ZNF816: variants seen among roughly 807,000 people sequenced by gnomAD.
The protein encoded by ZNF816 is zinc finger protein 816.
A neutral mutation model predicts 8.3 loss-of-function variants in ZNF816; 11 were observed. The observed-to-expected ratio is 1.32, with a 90% CI of 0.83 to 2.19. The LOEUF (loss-of-function observed/expected upper bound fraction) is 2.19, where lower values mean the gene tolerates loss of function less well. Among genes scored for constraint, ZNF816 ranks in the 30% most tolerant of loss-of-function variants. The pLI, the probability that ZNF816 is intolerant of heterozygous loss-of-function variation, is 0.00. For missense variants in ZNF816, 710 were observed against 779.3 expected (o/e 0.91, Z 1.06); for synonymous variants, 255 against 254.5 (o/e 1.00, Z -0.02).
intron 1 of ZNF816, chr19:52,960,128 A>C (rs949730258): frequency 5.7e-6 from 1 of 176,018 alleles, no homozygotes; most frequent in African/African-American, 2.4e-5. Flanking sequence ...GTACTTCTAC[A>C]GCTCACAATT....
rs1379680484 is a variant in ZNF816 at position 52,957,251 on chromosome 19, A to C, written c.-15-1147T>G. 1.3e-5 allele frequency among the ~76,000 whole-genome samples: 2 copies of C among 152,158 alleles called. No homozygotes were observed. The highest frequency in any genetic ancestry group is 3.9e-4 in the East Asian group (2 of 5,192). On this transcript the variant is annotated intron_variant, in intron 1 of 3. Transcript: ENST00000444460. This position sits in a 1 kb window ranked among gnomAD's most constrained non-coding sequence, Gnocchi z 4.6. ...AAGCGAGGTAATTAACAGAAGGTCG[A>C]GGCAACCCCTTAGGTGACTTAGGCC...
rs2083434656 is a variant in ZNF816, at chr19:52,949,482, C to T, written c.*337G>A. 3 of 487,378 alleles carry T rather than the reference C, an allele frequency of 6.2e-6. No individual in the cohort carries two copies. The highest frequency in any genetic ancestry group is 1.2e-5 in the Non-Finnish European group (3 of 252,702). 30.2% of individuals were successfully genotyped at this position (487,378 alleles called of 1,614,324 possible). A position where few individuals can be genotyped will look rare whatever the true frequency, so the allele number is the denominator to read the frequency against. On this transcript the variant is annotated 3_prime_UTR_variant, in exon 4 of 4. Coordinates refer to ENST00000444460, the MANE Select transcript of ZNF816 (RefSeq NM_001202457.3). Reference sequence around the variant, plus strand: ...AATGACCACAGAGTGAAGACCTTGCCACCCTTACATTTGTAAGGCATCTGT... The same window carrying T: ...AATGACCACAGAGTGAAGACCTTGCTACCCTTACATTTGTAAGGCATCTGT...
Position 52,957,750 on chromosome 19 carries a change from A to G in ZNF816, c.-15-1646T>C, listed in dbSNP as rs192566620. 1.1e-3 allele frequency among the ~76,000 whole-genome samples: 171 copies of G among 152,318 alleles called. 1 individual carries two copies. The highest frequency in any genetic ancestry group is 0.01 in the Middle Eastern group (3 of 294). ...CCAGACTTGTACTGTAGGAAGACAT[A>G]AAGTGATTCACCAGTTCTTGTACAT... On this transcript the variant is annotated intron_variant, in intron 1 of 3. Coordinates refer to ENST00000444460, the MANE Select transcript of ZNF816 (RefSeq NM_001202457.3). This position sits in a 1 kb window ranked among gnomAD's most constrained non-coding sequence, Gnocchi z 4.6.
intron 1 of ZNF816, chr19:52,956,392 C>T: frequency 7.5e-6 from 2 of 268,040 alleles, no homozygotes; most frequent in Non-Finnish European, 1.4e-5. Context: ...ATGCAGAGCA[C>T]AGCCCCCTCA....
intron 3 of ZNF816, chr19:52,951,928 C>A: frequency 2.4e-6 from 1 of 414,224 alleles, no homozygotes; most frequent in South Asian, 1.0e-4. Flanking sequence ...TCAAGAGCCT[C>A]ATATATATGA....
Position 52,950,823 on chromosome 19 carries a change from A to G in ZNF816, c.952T>C (p.Cys318Arg). Residue 318 changes from cysteine to arginine, a missense_variant, in exon 4 of 4, where the codon TGT becomes CGT. By Grantham distance (180) the Cys-to-Arg change is radical (BLOSUM62 -3). Coordinates refer to ENST00000444460, the MANE Select transcript of ZNF816 (RefSeq NM_001202457.3). The stretch of plus-strand genomic sequence containing the variant: ...GACTTCTCACTGAAGGTCTTGCCAC[A>G]CTCATTACACTTGTAAGGTTTCTCT... ...TGEKPYKCNECGKTFSEKSSL... is the reference protein window; with the variant it reads ...TGEKPYKCNERGKTFSEKSSL... 2 of 1,614,054 alleles carry G rather than the reference A, an allele frequency of 1.2e-6. No individual in the cohort carries two copies. Among genetic ancestry groups the G allele is most frequent in the South Asian group, 1.1e-5 (1 of 91,088 alleles).
intron 3 of ZNF816, chr19:52,952,382 CA>C: frequency 2.6e-6 from 1 of 383,830 alleles, no homozygotes; most frequent in Non-Finnish European, 4.6e-6. Context: ...AACAAACAAA[CA>C]AAAAGAAAAC....
rs1363382536 is a variant in ZNF816, at chr19:52,957,836, A to G, written c.-15-1732T>C. ...CGAGCTGAGAGCCACCGTCTCTTCT[A>G]CAGAGCACAGCTCTTTACAGCTAAG... On this transcript the variant is annotated intron_variant, in intron 1 of 3. Transcript: ENST00000444460. This position sits in a 1 kb window ranked among gnomAD's most constrained non-coding sequence, Gnocchi z 4.6. Among the ~76,000 whole-genome samples, 1 of 152,186 alleles carries G rather than the reference A, an allele frequency of 6.6e-6. No individual in the cohort carries two copies. The highest frequency in any genetic ancestry group is 2.4e-5 in the African/African-American group (1 of 41,444).
rs529254404 is a variant in ZNF816, at chr19:52,951,370, C to T, written c.405G>A (p.Leu135=). ...GATCACTTCGGTCTGTACTACCAGT[C>T]AACTTTTTGATTTTTGTCATGGGTG... ...HEAPMTKIKK[L]TGSTDRSDHR... is the part of the protein sequence containing the mutation. The change falls in exon 4 of 4, where the codon TTG becomes TTA. Residue 135 remains leucine, a synonymous_variant. Transcript: ENST00000444460. 2 of 1,614,136 alleles carry T rather than the reference C, an allele frequency of 1.2e-6. No homozygotes were observed. The highest frequency in any genetic ancestry group is 2.7e-5 in the African/African-American group (2 of 75,050).
At position 52,950,951 on chromosome 19, in the gene ZNF816, T is replaced by C. The variant is rs1458153901; in HGVS notation, c.824A>G (p.His275Arg). The stretch of plus-strand genomic sequence containing the variant: ...TTTCTCACCAGTGTGACATCTATGA[T>C]GATATACAATGTATTGCTTCTGATT... ...IFNQKQYIVYHHRCHTGEKTY... is the reference protein window; with the variant it reads ...IFNQKQYIVYRHRCHTGEKTY... The change falls in exon 4 of 4, where the codon CAT becomes CGT. Residue 275 changes from histidine (H) to arginine (R), a missense_variant. His to Arg is a conservative substitution (Grantham distance 29). Transcript: ENST00000444460. 6.2e-7 allele frequency: 1 copy of C among 1,614,204 alleles called. No homozygotes were observed.
At chr19:52,953,013 GA>G (rs2083473057) in intron 2 of ZNF816, 136 bp from the exon 3 acceptor site, 1 of 1,419,098 alleles carries the variant, frequency 7.0e-7, no homozygotes, top group Non-Finnish European at 9.2e-7. Context: ...AGGTATTTTT[GA>G]ACAATTTTTC....
At position 52,962,876 on chromosome 19, in the gene ZNF816, G is replaced by A. The variant is rs2083570124; in HGVS notation, c.-165C>T. 1 of 152,716 alleles carries A rather than the reference G, an allele frequency of 6.5e-6. No homozygotes were observed. Among genetic ancestry groups the A allele is most frequent in the East Asian group, 1.9e-4 (1 of 5,198 alleles). 9.5% of individuals were successfully genotyped at this position (152,716 alleles called of 1,614,324 possible). A position where few individuals can be genotyped will look rare whatever the true frequency, so the allele number is the denominator to read the frequency against. ...TTCAGTCCACGCCATCCGCTTCCGGGTCTGTGCCAATCGGCGCAGGACAGA... is the reference window on the plus strand; with the variant it reads ...TTCAGTCCACGCCATCCGCTTCCGGATCTGTGCCAATCGGCGCAGGACAGA... On this transcript the variant is annotated 5_prime_UTR_variant, in exon 1 of 4. Coordinates refer to ENST00000444460, the MANE Select transcript of ZNF816 (RefSeq NM_001202457.3).
At chr19:52,956,229 G>C in intron 1 of ZNF816, 125 bp from the exon 2 acceptor site, 1 of 1,080,808 alleles carries the variant, frequency 9.3e-7, no homozygotes, top group Non-Finnish European at 1.3e-6. Context: ...CACTGCACCA[G>C]AGACCATGCA....
rs939365414 is a variant in ZNF816, at chr19:52,950,015, T to C, written c.1760A>G (p.His587Arg). 6.2e-7 allele frequency: 1 copy of C among 1,614,058 alleles called. No individual in the cohort carries two copies. Among genetic ancestry groups the C allele is most frequent in the Non-Finnish European group, 8.5e-7 (1 of 1,179,946 alleles). Reference protein sequence around the residue: ...KGILAQHQRVHTGEKPYKCNE... With the variant: ...KGILAQHQRVRTGEKPYKCNE... ...ACACTTGTAAGGTTTCTCTCCAGTA[T>C]GAACTCTCTGATGTTGTGCAAGGAT... The change falls in exon 4 of 4, where the codon CAT becomes CGT. Residue 587 changes from histidine (H) to arginine (R), a missense_variant. Physicochemically the swap from His to Arg is conservative, Grantham distance 29 (BLOSUM62 0). Transcript: ENST00000444460.
At position 52,950,662 on chromosome 19, in the gene ZNF816, A is replaced by G. The variant is rs1408175818; in HGVS notation, c.1113T>C (p.Cys371=). ...GACTGAAGGTCTTGCCACACTCATTACACTTGTAAGGTTTCTCTCCAGTAT... is the reference window on the plus strand; with the variant it reads ...GACTGAAGGTCTTGCCACACTCATTGCACTTGTAAGGTTTCTCTCCAGTAT... The part of the protein sequence containing the change: ...AIHTGEKPYK[C]NECGKTFSQK... Residue 371 remains cysteine (C), a synonymous_variant, in exon 4 of 4, where the codon TGT becomes TGC. Coordinates refer to ENST00000444460, the MANE Select transcript of ZNF816 (RefSeq NM_001202457.3). The G allele has an allele frequency of 6.2e-7, 1 of 1,614,080 alleles. No homozygotes were observed. The highest frequency in any genetic ancestry group is 1.3e-5 in the African/African-American group (1 of 74,946).
chr19:52,950,878 G>C lies in ZNF816; in HGVS notation c.897C>G (p.Ser299=). 1.2e-6 allele frequency: 2 copies of C among 1,614,106 alleles called. No individual in the cohort carries two copies. The highest frequency in any genetic ancestry group is 1.7e-6 in the Non-Finnish European group (2 of 1,180,024). The change falls in exon 4 of 4, where the codon TCC becomes TCG. Residue 299 remains serine (S), a synonymous_variant. Transcript: ENST00000444460. Reference sequence around the variant, plus strand: ...TATGAAGTCTACGATGGCATACAAGGGATGACATCTGAGTGAAGGTCTTCC... The same window carrying C: ...TATGAAGTCTACGATGGCATACAAGCGATGACATCTGAGTGAAGGTCTTCC... ...ECGKTFTQMS[S]LVCHRRLHTG...
chr19:52,950,019 C>T lies in ZNF816; in HGVS notation c.1756G>A (p.Val586Ile). 1 of 1,612,280 alleles carries T rather than the reference C, an allele frequency of 6.2e-7. No homozygotes were observed. Among genetic ancestry groups the T allele is most frequent in the Non-Finnish European group, 8.5e-7 (1 of 1,179,468 alleles). Reference sequence around the variant, plus strand: ...TTGTAAGGTTTCTCTCCAGTATGAACTCTCTGATGTTGTGCAAGGATTCCT... The same window carrying T: ...TTGTAAGGTTTCTCTCCAGTATGAATTCTCTGATGTTGTGCAAGGATTCCT... Reference protein sequence around the residue: ...QKGILAQHQRVHTGEKPYKCN... With the variant: ...QKGILAQHQRIHTGEKPYKCN... The change falls in exon 4 of 4, where the codon GTT (valine) becomes ATT (isoleucine). Residue 586 changes from valine (V) to isoleucine (I), a missense_variant. Val to Ile is a conservative substitution (Grantham distance 29). Transcript: ENST00000444460.
rs2083434703 is a variant in ZNF816 at position 52,949,491 on chromosome 19, A to G, written c.*328T>C. On this transcript the variant is annotated 3_prime_UTR_variant, in exon 4 of 4. Coordinates refer to ENST00000444460, the MANE Select transcript of ZNF816 (RefSeq NM_001202457.3). ...AGAGTGAAGACCTTGCCACCCTTAC[A>G]TTTGTAAGGCATCTGTCCAGTATGA... The G allele has an allele frequency of 5.8e-6, 3 of 514,224 alleles. No individual in the cohort carries two copies. The allele number at this position is 514,224 out of a possible 1,614,324, so 31.9% of individuals were successfully genotyped here. A position where few individuals can be genotyped will look rare whatever the true frequency, so the allele number is the denominator to read the frequency against.
rs1568438400 is a variant in ZNF816 at position 52,953,551 on chromosome 19, TATA to T, written c.64-677_64-675del. ...TAATATATAATATATAATACAATAT[TATA>T]TATAATATGTATTTATAAAATATAA... On this transcript the variant is annotated intron_variant, in intron 2 of 3. Transcript: ENST00000444460. Among the ~76,000 whole-genome samples the T allele has an allele frequency of 1.3e-4, 6 of 44,684 alleles. 1 individual carries two copies. Among genetic ancestry groups the T allele is most frequent in the Admixed American group, 1.8e-4 (1 of 5,466 alleles). The allele number at this position is 44,684 out of a possible 152,430, so 29.3% of individuals were successfully genotyped here.
Sources: gnomAD v4.1 joint callset for allele counts (sites outside exome capture counted in the v4.1 genomes callset) on GRCh38, gnomAD v4.1.1 for gene constraint, Gnocchi (gnomAD v3.1) non-coding constraint, MANE v1.5 for transcripts, NCBI Gene and HGNC (gene_info 2026-07-23, HGNC 2026-07-21) for gene names.